GRAMD2A: variants seen among roughly 807,000 people sequenced by gnomAD.
GRAMD2A encodes GRAM domain containing 2A, also known as GRAM domain-containing protein 2A.
Under a neutral mutation model 51.1 loss-of-function variants are expected in GRAMD2A, and 37 were observed. That is an observed-to-expected ratio of 0.72 (90% confidence interval 0.56 to 0.95). The LOEUF is 0.95. Among genes scored for constraint, GRAMD2A ranks in the 40% least tolerant of loss-of-function variants. GRAMD2A has a pLI of 0.00. For synonymous variants in GRAMD2A, 136 were observed against 157.1 expected, an observed-to-expected ratio of 0.87 and a Z score of 1.01; for missense variants, 414 against 426.9, an observed-to-expected ratio of 0.97 and a Z score of 0.27.
At chr15:72,178,822 C>T (rs1227169658) in intron 1 of GRAMD2A, among the ~76,000 whole-genome samples, 2 of 152,036 alleles carry the variant, frequency 1.3e-5, no homozygotes, top group Non-Finnish European at 2.9e-5. Context: ...GATCCGCCCG[C>T]CTCGGCCTCC....
intron 3 of GRAMD2A, 135 bp from the exon 4 acceptor site, chr15:72,168,701 C>A: frequency 2.5e-6 from 2 of 790,636 alleles, no homozygotes; most frequent in South Asian, 1.5e-5. Context: ...AGTAAGCAGC[C>A]AGTGAGTATG....
At position 72,165,379 on chromosome 15, in the gene GRAMD2A, T is replaced by A. The variant is rs1280330920; in HGVS notation, c.575A>T (p.Glu192Val). 6.2e-7 allele frequency: 1 copy of A among 1,614,050 alleles called. No homozygotes were observed. Among genetic ancestry groups the A allele is most frequent in the Non-Finnish European group, 8.5e-7 (1 of 1,180,000 alleles). The change falls in exon 8 of 12, where the codon GAA (glutamate) becomes GTA (valine). Residue 192 changes from glutamate (E) to valine (V), a missense_variant. Transcript: ENST00000309731. ...CAGAGACTCAGGTTCCCCTGAAAAT[T>A]CTCTTACACTCAGACTCTTCTTGCT... Reference protein sequence around the residue: ...PSSKKSLSVREFSGEPESLEV... With the variant: ...PSSKKSLSVRVFSGEPESLEV...
Position 72,179,429 on chromosome 15 carries a change from G to A in GRAMD2A, c.42-9490C>T, listed in dbSNP as rs542398385. On this transcript the variant is annotated intron_variant, in intron 1 of 11. Coordinates refer to ENST00000309731, the MANE Select transcript of GRAMD2A (RefSeq NM_001012642.3). ...AGGCGAGAGAGAGCCAGGTAGGTGC[G>A]AGCTGCAGCTACACTAGAGCTGAAC... 1.3e-4 allele frequency among the ~76,000 whole-genome samples: 20 copies of A among 152,328 alleles called. 1 individual carries two copies. The East Asian group carries it at 2.1e-3, about 16-fold the overall frequency.
chr15:72,167,419 G>C (rs1272173764), intron 5 of GRAMD2A, among the ~76,000 whole-genome samples: 1 of 152,250 alleles, frequency 6.6e-6, no homozygotes, highest in Non-Finnish European at 1.5e-5. Flanking sequence ...CCACAGCTAG[G>C]GCTCCGCCTA....
intron 1 of GRAMD2A, among the ~76,000 whole-genome samples, chr15:72,190,257 T>C (rs2081759206): frequency 6.6e-6 from 1 of 152,052 alleles, no homozygotes; most frequent in Non-Finnish European, 1.5e-5. Context: ...CAGGCGCCTG[T>C]AGTCGCAGCT....
rs1294345374 is a variant in GRAMD2A at position 72,160,704 on chromosome 15, A to G, written c.*1305T>C. On this transcript the variant is annotated 3_prime_UTR_variant, in exon 12 of 12. Transcript: ENST00000309731. ...CCCTTCCAGAACCTCCAAAGCCACTATCTTAGCAGATGGGAGTCCCAGGGC... is the reference window on the plus strand; with the variant it reads ...CCCTTCCAGAACCTCCAAAGCCACTGTCTTAGCAGATGGGAGTCCCAGGGC... The G allele has an allele frequency of 6.6e-6, 1 of 152,252 alleles. No homozygotes were observed. Among genetic ancestry groups the G allele is most frequent in the Non-Finnish European group, 1.5e-5 (1 of 68,090 alleles). The allele number at this position is 152,252 out of a possible 1,614,324, so 9.4% of individuals were successfully genotyped here. A position where few individuals can be genotyped will look rare whatever the true frequency, so the allele number is the denominator to read the frequency against.
At chr15:72,162,095 C>A in intron 11 of GRAMD2A, 83 bp from the exon 12 acceptor site, 1 of 1,564,988 alleles carries the variant, frequency 6.4e-7, no homozygotes, top group Non-Finnish European at 8.8e-7. Flanking sequence ...GATAACTTTA[C>A]TTCCCCCAAG....
chr15:72,179,148 C>G (rs2081678348), intron 1 of GRAMD2A, among the ~76,000 whole-genome samples: 1 of 152,222 alleles, frequency 6.6e-6, no homozygotes, highest in Non-Finnish European at 1.5e-5. Flanking sequence ...AACGGGCTTG[C>G]TCTCCCATCA....
chr15:72,196,484 C>G (rs528163664), intron 1 of GRAMD2A, among the ~76,000 whole-genome samples: 20 of 151,840 alleles, frequency 1.3e-4, no homozygotes, highest in Non-Finnish European at 2.5e-4. Context: ...CCACGGCACT[C>G]CAGCCTGGGT....
chr15:72,175,267 G>A (rs2081644704), intron 1 of GRAMD2A, among the ~76,000 whole-genome samples: 1 of 152,128 alleles, frequency 6.6e-6, no homozygotes, highest in Non-Finnish European at 1.5e-5. Flanking sequence ...GCTGGCAACA[G>A]CTCCCTGACC....
chr15:72,196,323 C>T (rs943562184), intron 1 of GRAMD2A, among the ~76,000 whole-genome samples: 6 of 152,014 alleles, frequency 3.9e-5, no homozygotes, highest in African/African-American at 1.4e-4. Flanking sequence ...CAAGACCAGC[C>T]TGGCCAACAT....
rs147315698 is a variant in GRAMD2A at position 72,179,441 on chromosome 15, C to T, written c.42-9502G>A. 7.7e-4 allele frequency among the ~76,000 whole-genome samples: 117 copies of T among 152,336 alleles called. 1 individual carries two copies. The highest frequency in any genetic ancestry group is 3.4e-3 in the Middle Eastern group (1 of 294). ...GCCAGGTAGGTGCGAGCTGCAGCTA[C>T]ACTAGAGCTGAACCTCTGGGTGCCC... is the stretch of plus-strand genomic sequence containing the variant. On this transcript the variant is annotated intron_variant, in intron 1 of 11. Coordinates refer to ENST00000309731, the MANE Select transcript of GRAMD2A (RefSeq NM_001012642.3).
chr15:72,178,013 C>G (rs886084810), intron 1 of GRAMD2A, among the ~76,000 whole-genome samples: 1 of 152,242 alleles, frequency 6.6e-6, no homozygotes, highest in East Asian at 1.9e-4. Context: ...TAGGCGTGAG[C>G]CACCGCACCT....
At chr15:72,195,774 G>T (rs1270535311) in intron 1 of GRAMD2A, among the ~76,000 whole-genome samples, 3 of 152,084 alleles carry the variant, frequency 2.0e-5, no homozygotes, top group Non-Finnish European at 4.4e-5. Context: ...TACAAAATTA[G>T]CCGGGTGTGG....
chr15:72,189,499 C>G (rs1317207382), intron 1 of GRAMD2A, among the ~76,000 whole-genome samples: 1 of 152,170 alleles, frequency 6.6e-6, no homozygotes, highest in African/African-American at 2.4e-5. Flanking sequence ...CATGAGATCT[C>G]TCTGTGGTAT....
chr15:72,172,015 CG>C (rs1481873685), intron 1 of GRAMD2A, among the ~76,000 whole-genome samples: 5 of 151,450 alleles, frequency 3.3e-5, no homozygotes, highest in Non-Finnish European at 5.9e-5. Flanking sequence ...TTAGTAGAGA[CG>C]GGGGTTTCAC....
chr15:72,178,761 A>G (rs1329357685), intron 1 of GRAMD2A, among the ~76,000 whole-genome samples: 2 of 151,624 alleles, frequency 1.3e-5, no homozygotes, highest in South Asian at 2.1e-4. Flanking sequence ...TTTTTAGTAG[A>G]GAAGGGGTTT....
At chr15:72,163,229 A>C in intron 10 of GRAMD2A, 37 bp downstream of exon 10, 1 of 1,395,380 alleles carries the variant, frequency 7.2e-7, no homozygotes, top group Non-Finnish European at 1.0e-6. Flanking sequence ...CTAGACATGC[A>C]GGTGGGTCTG....
chr15:72,165,067 A>T (rs2081526899), intron 8 of GRAMD2A, among the ~76,000 whole-genome samples: 1 of 152,252 alleles, frequency 6.6e-6, no homozygotes, highest in South Asian at 2.1e-4. Flanking sequence ...TGAACCCAGC[A>T]GGTGGAAGTT....
Sources: allele counts gnomAD v4.1 joint callset (sites outside exome capture counted in the v4.1 genomes callset), GRCh38; gene constraint gnomAD v4.1.1; transcripts MANE v1.5; gene names NCBI Gene and HGNC (gene_info 2026-07-23, HGNC 2026-07-21).